Variants in STIM2 observed in about 807,000 individuals in gnomAD.
STIM2 encodes stromal interaction molecule 2.
A neutral mutation model predicts 85.8 loss-of-function variants in STIM2; 31 were observed. The ratio of observed to expected loss-of-function variants is 0.36; its 90% CI spans 0.27 to 0.49. The LOEUF (loss-of-function observed/expected upper bound fraction) is 0.49, where lower values mean the gene tolerates loss of function less well. Among genes scored for constraint, STIM2 ranks in the 20% least tolerant of loss-of-function variants. The probability of loss-of-function intolerance (pLI) is 0.98; values close to 1 mark genes in which losing one functional copy is unlikely to be tolerated. For missense variants in STIM2, 841 were observed against 927.6 expected (o/e 0.91, Z 1.21); for synonymous variants, 356 against 331.1 (o/e 1.08, Z -0.82).
chr4:26,946,486 C>T (rs892963879), intron 2 of STIM2, among the ~76,000 whole-genome samples: 3 of 152,212 alleles, frequency 2.0e-5, no homozygotes, highest in African/African-American at 7.2e-5. Flanking sequence ...TTGACTCTTA[C>T]TTCCAGATAT....
intron 1 of STIM2, among the ~76,000 whole-genome samples, chr4:26,864,952 G>C (rs1197666981): frequency 6.6e-6 from 1 of 152,074 alleles, no homozygotes; most frequent in Non-Finnish European, 1.5e-5. Flanking sequence ...ATTAGTAGTT[G>C]GTTTGCCTGT....
chr4:26,931,177 G>T (rs1725193100), intron 2 of STIM2, among the ~76,000 whole-genome samples: 1 of 152,168 alleles, frequency 6.6e-6, no homozygotes, highest in Non-Finnish European at 1.5e-5. Context: ...CTCTCAGAGT[G>T]AGAGGGAGCT....
At chr4:26,909,519 G>C (rs1462374567) in intron 1 of STIM2, among the ~76,000 whole-genome samples, 1 of 152,148 alleles carries the variant, frequency 6.6e-6, no homozygotes, top group African/African-American at 2.4e-5. Context: ...AAAAGTCCTT[G>C]TACTGAGAGA....
chr4:26,958,899 A>AT (rs1304436224), intron 3 of STIM2, among the ~76,000 whole-genome samples: 1 of 152,094 alleles, frequency 6.6e-6, no homozygotes, highest in Non-Finnish European at 1.5e-5. Flanking sequence ...TGCTATTAGT[A>AT]TTTTTTTAAG....
intron 2 of STIM2, among the ~76,000 whole-genome samples, chr4:26,945,109 C>CT (rs1336809624): frequency 1.3e-5 from 2 of 152,174 alleles, no homozygotes; most frequent in African/African-American, 4.8e-5. Context: ...CCCCCACCCT[C>CT]TGGGAGTCTC....
At chr4:27,020,853 T>C in intron 11 of STIM2, 1 of 617,368 alleles carries the variant, frequency 1.6e-6, no homozygotes, top group Non-Finnish European at 2.8e-6. Flanking sequence ...CCTGGCCTAG[T>C]TCCAGCTGCT....
At chr4:26,879,959 G>C (rs534532639) in intron 1 of STIM2, among the ~76,000 whole-genome samples, 82 of 152,086 alleles carry the variant, frequency 5.4e-4, no homozygotes, top group Non-Finnish European at 9.0e-4. Flanking sequence ...CCTCTTACTG[G>C]GATTCCTGCA....
At chr4:26,868,861 C>G (rs1006254656) in intron 1 of STIM2, among the ~76,000 whole-genome samples, 3 of 152,182 alleles carry the variant, frequency 2.0e-5, no homozygotes, top group Admixed American at 1.3e-4. Flanking sequence ...TGCTTTGCCA[C>G]ACATATTCAG....
intron 10 of STIM2, among the ~76,000 whole-genome samples, chr4:27,017,367 A>T (rs1728763521): frequency 1.3e-5 from 2 of 152,218 alleles, no homozygotes; most frequent in Admixed American, 6.5e-5. Flanking sequence ...TTATGTTAAC[A>T]GTCATAAAAA....
chr4:26,873,121 C>T (rs868203543), intron 1 of STIM2, among the ~76,000 whole-genome samples: 6 of 152,102 alleles, frequency 3.9e-5, no homozygotes, highest in Admixed American at 6.5e-5. Flanking sequence ...GGTAACAGGC[C>T]GGGTGTGGTG....
intron 1 of STIM2, among the ~76,000 whole-genome samples, chr4:26,891,560 C>CAT (rs1007063225): frequency 1.1e-3 from 28 of 26,266 alleles, no homozygotes; most frequent in Non-Finnish European, 1.0e-3. Context: ...TACATACATA[C>CAT]ACACACACAC....
chr4:26,930,269 A>C (rs549524258), intron 2 of STIM2, among the ~76,000 whole-genome samples: 1 of 152,338 alleles, frequency 6.6e-6, no homozygotes, highest in South Asian at 2.1e-4. Flanking sequence ...CCCTGAGCAC[A>C]GCAGTGGAGT....
chr4:26,937,262 A>G (rs1471181275), intron 2 of STIM2, among the ~76,000 whole-genome samples: 7 of 152,192 alleles, frequency 4.6e-5, no homozygotes, highest in African/African-American at 1.4e-4. Context: ...TGCAACAAGA[A>G]TTTCCTATTA....
At chr4:26,963,064 A>T (rs888483733) in intron 3 of STIM2, among the ~76,000 whole-genome samples, 3 of 152,184 alleles carry the variant, frequency 2.0e-5, no homozygotes, top group Non-Finnish European at 4.4e-5. Flanking sequence ...ATAGTCTGAG[A>T]GAAGAAAGAT....
At position 26,862,822 on chromosome 4, in the gene STIM2, G is replaced by A. The variant is rs1722268090; in HGVS notation, c.151+1453G>A. Among the ~76,000 whole-genome samples, 7 of 152,148 alleles carry A rather than the reference G, an allele frequency of 4.6e-5. No homozygotes were observed. The South Asian group carries it at 1.4e-3, about 31-fold the overall frequency. On this transcript the variant is annotated intron_variant, in intron 1 of 11. Coordinates refer to ENST00000467087, the MANE Select transcript of STIM2 (RefSeq NM_020860.4). ...TATTCTCCAAATAAAAATGTGGCAA[G>A]TAACAGTATAGTGAAGAATAGTGAT...
chr4:26,885,934 A>G (rs1385271840), intron 1 of STIM2, among the ~76,000 whole-genome samples: 3 of 146,702 alleles, frequency 2.0e-5, no homozygotes, highest in East Asian at 2.0e-4. Flanking sequence ...GAGACATTCC[A>G]TTATGGCTTA....
chr4:26,939,034 T>C (rs1725500109), intron 2 of STIM2, among the ~76,000 whole-genome samples: 1 of 152,148 alleles, frequency 6.6e-6, no homozygotes, highest in South Asian at 2.1e-4. Context: ...TCTGTTAATG[T>C]TAATATTGGA....
intron 8 of STIM2, among the ~76,000 whole-genome samples, 197 bp from the exon 9 acceptor site, chr4:27,008,231 G>T (rs1001748936): frequency 1.3e-5 from 2 of 152,106 alleles, no homozygotes; most frequent in Non-Finnish European, 2.9e-5. Context: ...GAATTACATC[G>T]ATTGGCTTAG....
intron 1 of STIM2, among the ~76,000 whole-genome samples, chr4:26,909,901 G>A (rs114026318): frequency 2.0e-5 from 3 of 152,184 alleles, no homozygotes; most frequent in Non-Finnish European, 2.9e-5. Context: ...AAGGGCCAGT[G>A]CTGCTTGGAA....
Sources: allele counts gnomAD v4.1 joint callset (sites outside exome capture counted in the v4.1 genomes callset), GRCh38; gene constraint gnomAD v4.1.1; transcripts MANE v1.5; gene names NCBI Gene and HGNC (gene_info 2026-07-23, HGNC 2026-07-21).